Variants in ACLY observed in about 807,000 individuals in gnomAD.
The protein encoded by ACLY is ATP-citrate synthase.
Under a neutral mutation model 133.0 loss-of-function variants are expected in ACLY, and 41 were observed. The ratio of observed to expected loss-of-function variants is 0.31; its 90% CI spans 0.24 to 0.40. The LOEUF is 0.40. Ranked by LOEUF, ACLY falls within the 10% of genes least tolerant of loss-of-function variation. The pLI is 1.00. For missense variants in ACLY, 1,046 were observed against 1,453.8 expected, an observed-to-expected ratio of 0.72 and a Z score of 4.56; for synonymous variants, 495 against 549.3, an observed-to-expected ratio of 0.90 and a Z score of 1.38.
chr17:41,904,529 C>T, intron 10 of ACLY, 200 bp downstream of exon 10: 1 of 587,946 alleles, frequency 1.7e-6, no homozygotes, highest in East Asian at 2.8e-5. Flanking sequence ...AGCTGCTTGC[C>T]CAGAGACACA....
At chr17:41,917,052 G>A (rs1266352012) in intron 1 of ACLY, among the ~76,000 whole-genome samples, 4 of 147,740 alleles carry the variant, frequency 2.7e-5, no homozygotes, top group East Asian at 4.0e-4. Flanking sequence ...CAGGAGAATC[G>A]CTAGAACCCA....
At chr17:41,878,446 A>G (rs2048819058) in intron 21 of ACLY, among the ~76,000 whole-genome samples, 1 of 152,126 alleles carries the variant, frequency 6.6e-6, no homozygotes, top group Admixed American at 6.5e-5. Flanking sequence ...CAGGTTTAAG[A>G]GGTAGAAATG....
chr17:41,910,425 G>A, intron 3 of ACLY, 141 bp from the exon 4 acceptor site: 1 of 690,594 alleles, frequency 1.4e-6, no homozygotes, highest in Non-Finnish European at 2.5e-6. Flanking sequence ...GAAAAAATGG[G>A]GTCACAGATC....
At chr17:41,924,269 C>T (rs2050215922) in intron 1 of ACLY, among the ~76,000 whole-genome samples, 3 of 151,980 alleles carry the variant, frequency 2.0e-5, no homozygotes, top group Non-Finnish European at 2.9e-5. Context: ...CTCGCCCTCC[C>T]AAGTAGCTGA....
At chr17:41,893,277 G>A (rs2049268149) in intron 14 of ACLY, 103 bp from the exon 15 acceptor site, 2 of 1,297,484 alleles carry the variant, frequency 1.5e-6, no homozygotes, top group African/African-American at 3.0e-5. Context: ...CATGTCCACA[G>A]GGTGATGCCT....
At position 41,898,143 on chromosome 17, in the gene ACLY, A is replaced by T. The variant is rs192880442; in HGVS notation, c.1339-304T>A. Among the ~76,000 whole-genome samples the T allele has an allele frequency of 2.0e-4, 31 of 152,174 alleles. 1 individual carries two copies. Among genetic ancestry groups the T allele is most frequent in the Non-Finnish European group, 2.1e-4 (14 of 68,012 alleles). On this transcript the variant is annotated intron_variant, in intron 12 of 28. Transcript: ENST00000352035. ...TTCTTTTCTTTTGAGACGAATTCTC[A>T]CTCTGTTGCTCAGAGCTGGAGTGCA...
chr17:41,886,829 A>G (rs1231332954), intron 17 of ACLY, among the ~76,000 whole-genome samples: 3 of 152,058 alleles, frequency 2.0e-5, no homozygotes, highest in African/African-American at 4.8e-5. Flanking sequence ...AAAATAATTC[A>G]AAGAATAATT....
chr17:41,919,073 A>C, upstream of ACLY: 9 of 1,235,638 alleles, frequency 7.3e-6, no homozygotes, highest in Non-Finnish European at 9.3e-6. Context: ...CCTGAGCGCC[A>C]GGGCTCCTCC....
At chr17:41,886,353 A>T (rs2049047723) in intron 17 of ACLY, 45 bp from the exon 18 acceptor site, 1 of 1,540,104 alleles carries the variant, frequency 6.5e-7, no homozygotes, top group Admixed American at 1.9e-5. Context: ...TGACTTCCAG[A>T]TTCACCACAA....
At chr17:41,904,421 T>A (rs2049649021) in intron 10 of ACLY, 1 of 304,612 alleles carries the variant, frequency 3.3e-6, no homozygotes, top group African/African-American at 2.1e-5. Flanking sequence ...AAAGAAAGGA[T>A]CGATTGAGCC....
intron 2 of ACLY, among the ~76,000 whole-genome samples, chr17:41,912,915 G>C (rs2049946372): frequency 6.6e-6 from 1 of 152,178 alleles, no homozygotes; most frequent in Admixed American, 6.5e-5. Flanking sequence ...AAAACAGAGA[G>C]ACAGAGCCTT....
At chr17:41,915,612 G>A (rs193068036) in intron 1 of ACLY, among the ~76,000 whole-genome samples, 94 of 152,220 alleles carry the variant, frequency 6.2e-4, no homozygotes, top group Non-Finnish European at 1.2e-3. Context: ...AGCTGGGAAG[G>A]GGCTCAGAGA....
intron 22 of ACLY, among the ~76,000 whole-genome samples, chr17:41,875,428 G>A (rs2048713769): frequency 6.9e-6 from 1 of 145,494 alleles, no homozygotes; most frequent in African/African-American, 2.6e-5. Context: ...TCTCCCCACG[G>A]TCTCCCTCTC....
Position 41,867,789 on chromosome 17 carries a change from G to A in ACLY, c.*21C>T. 1 of 1,583,184 alleles carries A rather than the reference G, an allele frequency of 6.3e-7. No individual in the cohort carries two copies. The highest frequency in any genetic ancestry group is 8.6e-7 in the Non-Finnish European group (1 of 1,157,880). Reference sequence around the variant, plus strand: ...GAAGAGATCTTGTCTTCAGTTTACTGCAGTAGGGTTCCTGGCTCTGTTACA... The same window carrying A: ...GAAGAGATCTTGTCTTCAGTTTACTACAGTAGGGTTCCTGGCTCTGTTACA... On this transcript the variant is annotated 3_prime_UTR_variant, in exon 29 of 29. Coordinates refer to ENST00000352035, the MANE Select transcript of ACLY (RefSeq NM_001096.3).
intron 10 of ACLY, among the ~76,000 whole-genome samples, chr17:41,903,626 G>T (rs1295931982): frequency 6.6e-6 from 1 of 151,726 alleles, no homozygotes; most frequent in African/African-American, 2.4e-5. Flanking sequence ...TGTGGTGGCG[G>T]GCACCTGTAG....
In ACLY at chr17:41,869,607, T is replaced by C; in HGVS notation, c.2938-20A>G. 1.3e-6 allele frequency: 2 copies of C among 1,589,418 alleles called. No individual in the cohort carries two copies. Among genetic ancestry groups the C allele is most frequent in the Non-Finnish European group, 1.7e-6 (2 of 1,157,602 alleles). On this transcript the variant is annotated intron_variant, in intron 25 of 28. Transcript: ENST00000352035. Reference sequence around the variant, plus strand: ...GTTTATCTAGAAATGAACCCAACGGTACAGAGGAACACTCACACACTGCTG... The same window carrying C: ...GTTTATCTAGAAATGAACCCAACGGCACAGAGGAACACTCACACACTGCTG...
chr17:41,927,927 A>G (rs1555636159), intron 1 of ACLY, among the ~76,000 whole-genome samples: 1 of 152,098 alleles, frequency 6.6e-6, no homozygotes, highest in East Asian at 1.9e-4. Context: ...GCTTGAGTTC[A>G]GGAGTTCAAA....
intron 14 of ACLY, among the ~76,000 whole-genome samples, chr17:41,894,731 G>A (rs1567900237): frequency 6.6e-6 from 1 of 152,072 alleles, no homozygotes; most frequent in Non-Finnish European, 1.5e-5. Flanking sequence ...TTAGCCTAAA[G>A]GGAAAGGACT....
intron 1 of ACLY, among the ~76,000 whole-genome samples, chr17:41,915,120 T>C (rs989952821): frequency 1.3e-5 from 2 of 152,284 alleles, no homozygotes; most frequent in South Asian, 4.1e-4. Flanking sequence ...GCCAGGCCCA[T>C]GTGTCCTTTT....
Sources: allele counts gnomAD v4.1 joint callset (sites outside exome capture counted in the v4.1 genomes callset), GRCh38; gene constraint gnomAD v4.1.1; transcripts MANE v1.5; gene names NCBI Gene and HGNC (gene_info 2026-07-23, HGNC 2026-07-21).